Variants in MAPK14 observed in about 807,000 individuals in gnomAD.
The protein encoded by MAPK14 is CSAID-binding protein.
MAPK14 carries 16 observed loss-of-function variants against 49.6 expected under a neutral mutation model. That is an observed-to-expected ratio of 0.32 (90% CI 0.22 to 0.49). The LOEUF (loss-of-function observed/expected upper bound fraction) is 0.49. Among genes scored for constraint, MAPK14 ranks in the 20% least tolerant of loss-of-function variants. MAPK14 has a pLI of 0.99. For synonymous variants in MAPK14, 142 were observed against 158.0 expected (o/e 0.90, Z 0.76); for missense variants, 200 against 441.2 (o/e 0.45, Z 4.90).
chr6:36,113,342 A>AT (rs1491253861), downstream of MAPK14, among the ~76,000 whole-genome samples: 3 of 109,756 alleles, frequency 2.7e-5, no homozygotes, highest in South Asian at 2.6e-4. Flanking sequence ...ACCCTGTCTC[A>AT]TAAAAAAAAA....
chr6:36,033,045 T>C (rs141038124), intron 1 of MAPK14, among the ~76,000 whole-genome samples: 81 of 152,052 alleles, frequency 5.3e-4, no homozygotes, highest in African/African-American at 1.9e-3. Context: ...GATTATTAAG[T>C]ATACAAGGGT....
chr6:36,038,705 G>C lies in MAPK14; in HGVS notation c.116+10432G>C, dbSNP rs545715376. Among the ~76,000 whole-genome samples, 4 of 152,254 alleles carry C rather than the reference G, an allele frequency of 2.6e-5. No homozygotes were observed. In the South Asian group the frequency reaches 8.3e-4, roughly 32 times the overall value. On this transcript the variant is annotated intron_variant, in intron 1 of 11. Transcript: ENST00000229794. Reference sequence around the variant, plus strand: ...CCAGAGTGCCAGAGCCAGTATTTTTGTTGGGCCCTAGAAATTTAGGGTATT... The same window carrying C: ...CCAGAGTGCCAGAGCCAGTATTTTTCTTGGGCCCTAGAAATTTAGGGTATT...
chr6:36,096,297 C>T (rs569711876), intron 9 of MAPK14: 8 of 428,694 alleles, frequency 1.9e-5, no homozygotes, highest in African/African-American at 8.0e-5. Flanking sequence ...ACTAAGATCA[C>T]GGGAGCCTCC....
chr6:36,102,679 GAT>G, intron 10 of MAPK14, 30 bp downstream of exon 10: 1 of 1,611,562 alleles, frequency 6.2e-7, no homozygotes. Context: ...TCACCTCATG[GAT>G]ATTGAATTGG....
At chr6:36,062,662 C>T (rs1328694808) in intron 3 of MAPK14, among the ~76,000 whole-genome samples, 46 of 132,306 alleles carry the variant, frequency 3.5e-4, no homozygotes, top group Non-Finnish European at 4.4e-4. Context: ...TTTTTCTTTT[C>T]TTTTTTTTTT....
chr6:36,084,048 A>G (rs1240508033), intron 8 of MAPK14, among the ~76,000 whole-genome samples: 2 of 152,236 alleles, frequency 1.3e-5, no homozygotes, highest in East Asian at 1.9e-4. Context: ...CTCCAGGTAC[A>G]GGAGGGACCC....
intron 8 of MAPK14, among the ~76,000 whole-genome samples, chr6:36,077,781 AC>A (rs983389025): frequency 6.6e-6 from 1 of 152,196 alleles, no homozygotes; most frequent in African/African-American, 2.4e-5. Flanking sequence ...TTAGTTTAAT[AC>A]CTGGTGTTTC....
chr6:36,064,946 A>T (rs1210047255), intron 3 of MAPK14, among the ~76,000 whole-genome samples: 3 of 152,186 alleles, frequency 2.0e-5, no homozygotes. Flanking sequence ...TCTCCACCCC[A>T]GTCACTCTGG....
chr6:36,100,228 A>AC (rs747176580), intron 9 of MAPK14: 3 of 1,613,710 alleles, frequency 1.9e-6, no homozygotes, highest in Admixed American at 1.7e-5. Context: ...TGACAGGAAC[A>AC]CCCCCCGCTT....
chr6:36,063,254 G>T (rs1378236168), intron 3 of MAPK14, among the ~76,000 whole-genome samples: 2 of 152,060 alleles, frequency 1.3e-5, no homozygotes, highest in Admixed American at 1.3e-4. Flanking sequence ...ATGTGTTTGT[G>T]TATCTAAACA....
At chr6:36,092,313 C>G in intron 8 of MAPK14, 2 of 602,864 alleles carry the variant, frequency 3.3e-6, no homozygotes, top group South Asian at 1.4e-5. Context: ...CTTCCTCAAG[C>G]TCCCAAAGAG....
At chr6:36,073,657 T>C in intron 4 of MAPK14, 34 bp from the exon 5 acceptor site, 1 of 1,576,014 alleles carries the variant, frequency 6.3e-7, no homozygotes, top group Non-Finnish European at 8.7e-7. Context: ...CAATAGAAGG[T>C]TGGAGGTAAC....
At chr6:36,068,576 T>A (rs938155858) in intron 3 of MAPK14, among the ~76,000 whole-genome samples, 2 of 149,042 alleles carry the variant, frequency 1.3e-5, no homozygotes, top group Admixed American at 6.6e-5. Context: ...AATAAATGGG[T>A]TTTTTTGTTT....
intron 10 of MAPK14, 92 bp downstream of exon 10, chr6:36,102,741 T>G: frequency 6.3e-7 from 1 of 1,587,146 alleles, no homozygotes; most frequent in South Asian, 1.2e-5. Context: ...TTTGACCAAA[T>G]AAAGTACCAT....
chr6:36,094,612 T>C (rs2127466413), intron 8 of MAPK14, among the ~76,000 whole-genome samples: 1 of 152,364 alleles, frequency 6.6e-6, no homozygotes, highest in South Asian at 2.1e-4. Flanking sequence ...TAAGTGCTGC[T>C]ATGTTGCCTT....
chr6:36,119,462 CTT>C, the MAPK14 span, among the ~76,000 whole-genome samples: 3 of 152,158 alleles, frequency 2.0e-5, no homozygotes, highest in South Asian at 2.1e-4. Flanking sequence ...AGAGTACAGA[CTT>C]TTCACTCAAC....
chr6:36,051,884 T>C (rs1235197270), intron 1 of MAPK14, among the ~76,000 whole-genome samples: 1 of 152,062 alleles, frequency 6.6e-6, no homozygotes, highest in Non-Finnish European at 1.5e-5. Context: ...TAAACATTAA[T>C]ATTATTATTA....
intron 1 of MAPK14, among the ~76,000 whole-genome samples, chr6:36,029,373 A>G (rs1014248300): frequency 2.0e-5 from 3 of 152,222 alleles, no homozygotes; most frequent in Non-Finnish European, 4.4e-5. Context: ...AGTCGATAGC[A>G]TATAATTTCC....
intron 3 of MAPK14, among the ~76,000 whole-genome samples, chr6:36,068,948 A>G (rs554334887): frequency 6.8e-4 from 103 of 152,240 alleles, no homozygotes; most frequent in Non-Finnish European, 1.4e-3. Context: ...CAACTTCACA[A>G]GAAAAGTGAA....
Sources: allele counts gnomAD v4.1 joint callset (sites outside exome capture counted in the v4.1 genomes callset), GRCh38; gene constraint gnomAD v4.1.1; transcripts MANE v1.5; gene names NCBI Gene and HGNC (gene_info 2026-07-23, HGNC 2026-07-21).